Variants in DHX9 observed in about 807,000 individuals in gnomAD.
The protein encoded by DHX9 is ATP-dependent RNA helicase A.
In DHX9, 27 loss-of-function variants were observed where a neutral mutation model predicts 148.7. The ratio of observed to expected loss-of-function variants is 0.18; its 90% CI spans 0.13 to 0.25. The LOEUF is 0.25. DHX9 is among the 10% of genes least tolerant of loss of function. DHX9 has a pLI of 1.00. For missense variants in DHX9, 796 were observed against 1,559.6 expected (o/e 0.51, Z 8.25); for synonymous variants, 529 against 516.6 (o/e 1.02, Z -0.33).
intron 12 of DHX9, among the ~76,000 whole-genome samples, chr1:182,861,441 T>G (rs763782427): frequency 1.3e-5 from 2 of 152,216 alleles, no homozygotes; most frequent in Non-Finnish European, 2.9e-5. Context: ...ACCTCATCTT[T>G]CAGGAAGAAC....
chr1:182,855,732 T>C, intron 6 of DHX9: 1 of 985,442 alleles, frequency 1.0e-6, no homozygotes, highest in Non-Finnish European at 1.2e-6. Context: ...ACACGAGGTA[T>C]AGGAAGGAGT....
chr1:182,863,516 G>A (rs566598159), intron 12 of DHX9, among the ~76,000 whole-genome samples: 7 of 152,086 alleles, frequency 4.6e-5, no homozygotes, highest in Non-Finnish European at 4.4e-5. Context: ...AGAAGTGGCC[G>A]TGCAGGTATA....
intron 21 of DHX9, among the ~76,000 whole-genome samples, chr1:182,880,263 A>G (rs1180698279): frequency 1.3e-5 from 2 of 152,078 alleles, no homozygotes; most frequent in African/African-American, 4.8e-5. Context: ...TATGAATTGT[A>G]TTTGTTTTTA....
intron 15 of DHX9, 73 bp downstream of exon 15, chr1:182,872,566 G>T: frequency 6.9e-7 from 1 of 1,456,838 alleles, no homozygotes; most frequent in Non-Finnish European, 9.3e-7. Flanking sequence ...CTGGAGATTG[G>T]AGTTACAATT....
Position 182,876,900 on chromosome 1 carries a change from G to C in DHX9, c.2195G>C (p.Cys732Ser). ...INDVVYVIDS[C>S]KQKVKLFTAH... is the part of the protein sequence containing the mutation. ...GATGTTGTTTATGTCATTGACTCCT[G>C]CAAGTAAGTTACTGGGAAACCTATT... Residue 732 changes from cysteine (C) to serine (S), a missense_variant, in exon 19 of 28, where the codon TGC becomes TCC. Cys to Ser is a moderately radical substitution (Grantham distance 112). This residue lies in a region of DHX9 where 6 missense variants were observed against 74.7 expected (regional missense o/e 0.08). Transcript: ENST00000367549. 3 of 1,609,724 alleles carry C rather than the reference G, an allele frequency of 1.9e-6. No homozygotes were observed. Among genetic ancestry groups the C allele is most frequent in the Non-Finnish European group, 2.5e-6 (3 of 1,177,094 alleles).
intron 26 of DHX9, among the ~76,000 whole-genome samples, 189 bp downstream of exon 26, chr1:182,883,824 C>T (rs950841024): frequency 1.4e-5 from 2 of 145,640 alleles, no homozygotes; most frequent in South Asian, 2.1e-4. Flanking sequence ...CCACTAGGCA[C>T]ACCACCACTA....
intron 6 of DHX9, 115 bp from the exon 7 acceptor site, chr1:182,856,416 AT>A (rs1001873291): frequency 6.3e-4 from 461 of 726,608 alleles, no homozygotes; most frequent in South Asian, 8.6e-4. Flanking sequence ...AATGTTGGTA[AT>A]TTTTTTTTTC....
At chr1:182,849,725 G>A (rs1392021072) in intron 3 of DHX9, among the ~76,000 whole-genome samples, 2 of 152,088 alleles carry the variant, frequency 1.3e-5, no homozygotes, top group African/African-American at 4.8e-5. Context: ...AAAATTATGA[G>A]TGAAGTCAAA....
intron 3 of DHX9, among the ~76,000 whole-genome samples, chr1:182,845,545 A>C (rs934187483): frequency 6.6e-6 from 1 of 152,150 alleles, no homozygotes; most frequent in Non-Finnish European, 1.5e-5. Flanking sequence ...CCAAGCAAGC[A>C]ATCAGTTCTG....
At chr1:182,875,286 T>C in intron 16 of DHX9, 1 of 439,814 alleles carries the variant, frequency 2.3e-6, no homozygotes, top group Non-Finnish European at 4.5e-6. Flanking sequence ...CTGCAGCATC[T>C]GGGAAACTGG....
chr1:182,864,921 T>TGTGGTTTCA (rs1468976058), intron 12 of DHX9, among the ~76,000 whole-genome samples: 1 of 152,074 alleles, frequency 6.6e-6, no homozygotes, highest in African/African-American at 2.4e-5. Flanking sequence ...AGTTTAGGAG[T>TGTGGTTTCA]GATCTGGAAA....
chr1:182,878,279 G>C, intron 20 of DHX9, 106 bp downstream of exon 20: 4 of 1,290,834 alleles, frequency 3.1e-6, no homozygotes, highest in African/African-American at 3.0e-5. Context: ...TCTAAGTCTT[G>C]CCAGCCATGT....
intron 3 of DHX9, among the ~76,000 whole-genome samples, chr1:182,847,011 G>A (rs911369034): frequency 5.3e-5 from 8 of 151,626 alleles, no homozygotes; most frequent in Non-Finnish European, 7.4e-5. Flanking sequence ...CCCACCCAGT[G>A]TATTTCAGAC....
At chr1:182,860,923 A>G (rs1668351364) in intron 12 of DHX9, among the ~76,000 whole-genome samples, 1 of 152,200 alleles carries the variant, frequency 6.6e-6, no homozygotes, top group African/African-American at 2.4e-5. Flanking sequence ...ATAGCCAGGT[A>G]CTACCTCTGA....
intron 14 of DHX9, among the ~76,000 whole-genome samples, chr1:182,869,181 T>C (rs1211331525): frequency 3.9e-5 from 6 of 152,206 alleles, no homozygotes; most frequent in Non-Finnish European, 8.8e-5. Context: ...CCTAGCACTT[T>C]GGGAGGCTGA....
At position 182,884,609 on chromosome 1, in the gene DHX9, T is replaced by A; in HGVS notation, c.3261-4T>A. 1.2e-6 allele frequency: 2 copies of A among 1,613,900 alleles called. No homozygotes were observed. The highest frequency in any genetic ancestry group is 3.3e-5 in the Admixed American group (2 of 59,984). On this transcript the variant is annotated splice_polypyrimidine_tract_variant and splice_region_variant and intron_variant, in intron 26 of 27. Transcript: ENST00000367549. ...CTTATTTTTAATGTATTTCGCCACTTTAGGATTAAACTGCAAATATCTCAT... is the reference window on the plus strand; with the variant it reads ...CTTATTTTTAATGTATTTCGCCACTATAGGATTAAACTGCAAATATCTCAT...
At chr1:182,852,505 A>AT (rs1668173222) in intron 4 of DHX9, among the ~76,000 whole-genome samples, 161 bp downstream of exon 4, 1 of 152,098 alleles carries the variant, frequency 6.6e-6, no homozygotes, top group Non-Finnish European at 1.5e-5. Context: ...CAGATCATTT[A>AT]TTTTTTTCTT....
In DHX9 at chr1:182,858,501, A is replaced by G. The variant is rs759348821; in HGVS notation, c.811-50A>G. The G allele has an allele frequency of 6.8e-6, 10 of 1,473,594 alleles. No individual in the cohort carries two copies. In the South Asian group the frequency reaches 7.2e-5, roughly 11 times the overall value. 91.3% of individuals were successfully genotyped at this position (1,473,594 alleles called of 1,614,324 possible). The stretch of plus-strand genomic sequence containing the variant: ...GTGTTGACTGTATAGTCTTAGCCCC[A>G]TTATAGTAGATTTGAGTAGTGTTGT... On this transcript the variant is annotated intron_variant, in intron 8 of 27. Transcript: ENST00000367549.
chr1:182,867,488 C>A (rs547880197), intron 14 of DHX9, among the ~76,000 whole-genome samples: 1 of 152,224 alleles, frequency 6.6e-6, no homozygotes, highest in East Asian at 1.9e-4. Context: ...CAGCAACCTC[C>A]GCCTCCCGCT....
Sources: allele counts gnomAD v4.1 joint callset (sites outside exome capture counted in the v4.1 genomes callset), GRCh38; gene constraint gnomAD v4.1.1; regional missense constraint gnomAD v4.1.1; transcripts MANE v1.5; gene names NCBI Gene and HGNC (gene_info 2026-07-23, HGNC 2026-07-21).